The following GRM8 variants were observed in gnomAD, a reference collection of about 807,000 sequenced individuals.
The protein encoded by GRM8 is metabotropic glutamate receptor 8.
In GRM8, 47 loss-of-function variants were observed where a neutral mutation model predicts 87.2. The observed-to-expected ratio is 0.54, with a 90% CI of 0.43 to 0.69. GRM8 has a LOEUF of 0.69. GRM8 is among the 30% of genes least tolerant of loss of function. The pLI is 0.00. For synonymous variants in GRM8, 396 were observed against 404.5 expected, an observed-to-expected ratio of 0.98 and a Z score of 0.25; for missense variants, 1,019 against 1,139.2, an observed-to-expected ratio of 0.89 and a Z score of 1.52.
intron 7 of GRM8, among the ~76,000 whole-genome samples, chr7:126,634,160 T>C (rs1801623364): frequency 1.3e-5 from 2 of 152,160 alleles, no homozygotes; most frequent in African/African-American, 4.8e-5. Context: ...TTCTTTTATA[T>C]GGAAACACAC....
intron 3 of GRM8, among the ~76,000 whole-genome samples, chr7:126,963,660 A>T (rs1364660424): frequency 6.6e-6 from 1 of 152,218 alleles, no homozygotes; most frequent in East Asian, 1.9e-4. Context: ...TCAAGGAAAT[A>T]AGAGAGGACA....
chr7:126,693,365 A>G (rs953744189), intron 7 of GRM8, among the ~76,000 whole-genome samples: 3 of 152,228 alleles, frequency 2.0e-5, no homozygotes, highest in African/African-American at 4.8e-5. Flanking sequence ...CAAGAAAACA[A>G]TAATAATTAA....
rs961866073 is a variant in GRM8, at chr7:127,167,585, A to C, written c.511-60873T>G. 1.2e-4 allele frequency among the ~76,000 whole-genome samples: 19 copies of C among 152,142 alleles called. No individual in the cohort carries two copies. In the East Asian group the frequency reaches 3.7e-3, roughly 29 times the overall value. ...TTGCAATGTTTCAAACTTTTTCATTATTATTATATCCTTTATCGGGATCTG... is the reference window on the plus strand; with the variant it reads ...TTGCAATGTTTCAAACTTTTTCATTCTTATTATATCCTTTATCGGGATCTG... On this transcript the variant is annotated intron_variant, in intron 2 of 10. Transcript: ENST00000339582.
intron 6 of GRM8, among the ~76,000 whole-genome samples, chr7:126,820,299 G>C (rs1202222100): frequency 6.6e-6 from 1 of 152,150 alleles, no homozygotes; most frequent in Non-Finnish European, 1.5e-5. Context: ...AATAGTTACA[G>C]ATGATATACA....
At chr7:126,485,056 T>A (rs1388707556) in intron 9 of GRM8, among the ~76,000 whole-genome samples, 1 of 151,990 alleles carries the variant, frequency 6.6e-6, no homozygotes, top group Non-Finnish European at 1.5e-5. Flanking sequence ...CTCTCCTAAC[T>A]AGTATTTGTA....
intron 3 of GRM8, among the ~76,000 whole-genome samples, chr7:126,949,419 T>G (rs959452774): frequency 6.6e-6 from 1 of 152,212 alleles, no homozygotes; most frequent in Admixed American, 6.5e-5. Context: ...GAGTAGCTAA[T>G]AAAAAATTTT....
chr7:126,674,473 C>T (rs1346137754), intron 7 of GRM8, among the ~76,000 whole-genome samples: 2 of 152,104 alleles, frequency 1.3e-5, no homozygotes, highest in African/African-American at 4.8e-5. Flanking sequence ...TTAGGTATCA[C>T]ATTAATAAGA....
chr7:126,547,642 T>G (rs972237680), intron 8 of GRM8, among the ~76,000 whole-genome samples: 2 of 151,794 alleles, frequency 1.3e-5, no homozygotes, highest in Non-Finnish European at 2.9e-5. Flanking sequence ...AAAAAGTTAA[T>G]TAAAGATAAT....
chr7:126,624,092 G>A (rs1273089899), intron 7 of GRM8, among the ~76,000 whole-genome samples: 1 of 152,150 alleles, frequency 6.6e-6, no homozygotes, highest in Non-Finnish European at 1.5e-5. Context: ...CAGGTATCCT[G>A]CATTCACACT....
At chr7:126,524,069 C>G (rs1368838748) in intron 9 of GRM8, among the ~76,000 whole-genome samples, 1 of 151,950 alleles carries the variant, frequency 6.6e-6, no homozygotes, top group Non-Finnish European at 1.5e-5. Flanking sequence ...AAGGAGTAAG[C>G]ATAATTATTA....
intron 7 of GRM8, among the ~76,000 whole-genome samples, chr7:126,688,551 T>C (rs2151359664): frequency 6.6e-6 from 1 of 152,246 alleles, no homozygotes; most frequent in Non-Finnish European, 1.5e-5. Context: ...AGTATAGTTG[T>C]CTTGGGGTGG....
chr7:126,647,289 AGATG>A (rs1563054500), intron 7 of GRM8, among the ~76,000 whole-genome samples: 1 of 122,890 alleles, frequency 8.1e-6, no homozygotes, highest in African/African-American at 3.2e-5. Context: ...CTACATAAAT[AGATG>A]GATAGATAGA....
chr7:126,496,948 A>T (rs974476459), intron 9 of GRM8, among the ~76,000 whole-genome samples: 5 of 149,208 alleles, frequency 3.4e-5, no homozygotes, highest in African/African-American at 1.2e-4. Flanking sequence ...TGCTTTATTC[A>T]TAATAAGAGA....
intron 3 of GRM8, among the ~76,000 whole-genome samples, chr7:126,914,465 C>T (rs1461769742): frequency 6.6e-6 from 1 of 152,168 alleles, no homozygotes; most frequent in Non-Finnish European, 1.5e-5. Context: ...AACACACATG[C>T]ACCTATATGT....
At chr7:126,622,815 A>ATTTTCTCCAC (rs1440800292) in intron 7 of GRM8, among the ~76,000 whole-genome samples, 1 of 151,984 alleles carries the variant, frequency 6.6e-6, no homozygotes. Context: ...AATTGTGTTC[A>ATTTTCTCCAC]TTTTCTCCAC....
chr7:126,517,844 C>G (rs927818429), intron 9 of GRM8, among the ~76,000 whole-genome samples: 1 of 152,030 alleles, frequency 6.6e-6, no homozygotes, highest in African/African-American at 2.4e-5. Context: ...ATAGGATTTT[C>G]AACCAAAGGA....
At chr7:127,177,821 C>T (rs1794204017) in intron 2 of GRM8, among the ~76,000 whole-genome samples, 1 of 152,198 alleles carries the variant, frequency 6.6e-6, no homozygotes, top group Non-Finnish European at 1.5e-5. Context: ...ACCAAGGGAA[C>T]ACCTGTGGGA....
chr7:126,555,984 A>C (rs1459616774), intron 8 of GRM8, among the ~76,000 whole-genome samples: 1 of 152,188 alleles, frequency 6.6e-6, no homozygotes, highest in Admixed American at 6.5e-5. Context: ...AAAAACATCC[A>C]GTTGAAATGT....
chr7:126,470,526 T>C (rs532616852), intron 9 of GRM8, among the ~76,000 whole-genome samples: 1 of 152,192 alleles, frequency 6.6e-6, no homozygotes, highest in East Asian at 1.9e-4. Flanking sequence ...GAACTCATCA[T>C]TTTTTATGGC....
Sources: gnomAD v4.1 joint callset for allele counts (sites outside exome capture counted in the v4.1 genomes callset) on GRCh38, gnomAD v4.1.1 for gene constraint, MANE v1.5 for transcripts, NCBI Gene and HGNC (gene_info 2026-07-23, HGNC 2026-07-21) for gene names.